ARHGAP39: variants seen among roughly 807,000 people sequenced by gnomAD.
The protein encoded by ARHGAP39 is Rho GTPase activating protein 39.
In ARHGAP39, 44 loss-of-function variants were observed where a neutral mutation model predicts 106.9. That is an observed-to-expected ratio of 0.41 (90% CI 0.32 to 0.53). ARHGAP39 has a LOEUF of 0.53. ARHGAP39 is among the 20% of genes least tolerant of loss of function. The probability of loss-of-function intolerance (pLI) is 0.21; values close to 1 mark genes in which losing one functional copy is unlikely to be tolerated. For missense variants in ARHGAP39, 1,496 were observed against 1,577.3 expected (o/e 0.95, Z 0.87); for synonymous variants, 768 against 693.2 (o/e 1.11, Z -1.69).
chr8:144,661,893 C>A (rs1586643836), intron 1 of ARHGAP39, among the ~76,000 whole-genome samples: 1 of 150,896 alleles, frequency 6.6e-6, no homozygotes, highest in South Asian at 2.1e-4. Context: ...CTTGGACAAC[C>A]CCCCACCCCG....
At chr8:144,685,070 C>A (rs1034592559) in intron 1 of ARHGAP39, among the ~76,000 whole-genome samples, 7 of 152,200 alleles carry the variant, frequency 4.6e-5, no homozygotes, top group Non-Finnish European at 8.8e-5. Context: ...ACACGTGCAC[C>A]CACACCCACC....
chr8:144,530,372 CGGCCT>C lies in ARHGAP39; in HGVS notation c.*45_*49del. The C allele has an allele frequency of 6.5e-7, 1 of 1,529,972 alleles. No homozygotes were observed. The highest frequency in any genetic ancestry group is 8.8e-7 in the Non-Finnish European group (1 of 1,130,694). 94.8% of individuals were successfully genotyped at this position (1,529,972 alleles called of 1,614,324 possible). On this transcript the variant is annotated 3_prime_UTR_variant, in exon 12 of 12. Transcript: ENST00000377307. ...CTGCCGGGAGAGCGAGTGCGGAGTT[CGGCCT>C]GGCTGGGGGCGGCAGGACATCCCTC...
intron 3 of ARHGAP39, among the ~76,000 whole-genome samples, chr8:144,557,457 A>G (rs535179543): frequency 2.3e-4 from 35 of 149,670 alleles, no homozygotes; most frequent in African/African-American, 8.0e-4. Context: ...TCAGAGGCAA[A>G]GGCTGAACCT....
At chr8:144,659,599 A>G (rs1821774796) in intron 1 of ARHGAP39, among the ~76,000 whole-genome samples, 1 of 152,162 alleles carries the variant, frequency 6.6e-6, no homozygotes, top group Non-Finnish European at 1.5e-5. Context: ...TAATTGGAGG[A>G]CATTTTCTAG....
intron 3 of ARHGAP39, among the ~76,000 whole-genome samples, chr8:144,568,324 A>C (rs1479800067): frequency 3.2e-5 from 3 of 93,636 alleles, no homozygotes; most frequent in African/African-American, 1.2e-4. Context: ...ACAGAGTGAG[A>C]CTCTGTCTCA....
intron 9 of ARHGAP39, among the ~76,000 whole-genome samples, chr8:144,532,923 T>A (rs1816787425): frequency 6.6e-6 from 1 of 152,212 alleles, no homozygotes; most frequent in Non-Finnish European, 1.5e-5. Flanking sequence ...GCTGCCTCTT[T>A]GGAATGGGTC....
chr8:144,556,005 A>G (rs113434003), intron 3 of ARHGAP39, among the ~76,000 whole-genome samples: 15,813 of 152,256 alleles, frequency 0.1, 2,016 homozygotes, highest in African/African-American at 0.3. Context: ...AGCCTTGGAG[A>G]CCAGGCACGG....
rs1384516633 is a variant in ARHGAP39, at chr8:144,547,043, G to T, written c.1959+84C>A. On this transcript the variant is annotated intron_variant, in intron 5 of 11. Transcript: ENST00000377307. The surrounding 1 kb of genome is among the most constrained non-coding windows in gnomAD (Gnocchi z 5.2). The stretch of plus-strand genomic sequence containing the variant: ...GCTGCGTGCACGCCCTGGACGCCAG[G>T]TCTCCTGTGCCTGGCCCACGGGGTC... 1.3e-5 allele frequency: 18 copies of T among 1,438,574 alleles called. No individual in the cohort carries two copies. The highest frequency in any genetic ancestry group is 1.7e-5 in the Non-Finnish European group (18 of 1,088,678). The allele number at this position is 1,438,574 out of a possible 1,614,324, so 89.1% of individuals were successfully genotyped here. A position where few individuals can be genotyped will look rare whatever the true frequency, so the allele number is the denominator to read the frequency against.
At chr8:144,618,175 G>A (rs1820688237) in intron 1 of ARHGAP39, among the ~76,000 whole-genome samples, 2 of 152,192 alleles carry the variant, frequency 1.3e-5, no homozygotes, top group African/African-American at 4.8e-5. Flanking sequence ...ACCCTTTCAA[G>A]AACCCCTCGC....
upstream of ARHGAP39, among the ~76,000 whole-genome samples, chr8:144,689,015 C>T (rs927973632): frequency 5.9e-5 from 9 of 152,134 alleles, no homozygotes; most frequent in African/African-American, 2.2e-4. Flanking sequence ...GGCCCAGAAA[C>T]ACGCAAGGGA....
chr8:144,561,447 CT>C (rs1818151239), intron 3 of ARHGAP39, among the ~76,000 whole-genome samples: 2 of 131,018 alleles, frequency 1.5e-5, no homozygotes, highest in African/African-American at 3.1e-5. Flanking sequence ...GTCCATCACA[CT>C]CCAGTGGTTT....
chr8:144,594,100 A>AG (rs2130919521), intron 2 of ARHGAP39, among the ~76,000 whole-genome samples: 1 of 152,096 alleles, frequency 6.6e-6, no homozygotes, highest in East Asian at 1.9e-4. Context: ...AAAAAAAAAA[A>AG]AAAAAAAAGA....
intron 6 of ARHGAP39, among the ~76,000 whole-genome samples, chr8:144,543,031 A>G (rs1178058419): frequency 6.6e-6 from 1 of 151,518 alleles, no homozygotes; most frequent in Non-Finnish European, 1.5e-5. Context: ...GTGCAGTGGT[A>G]CGATCATGAC....
rs1464478382 is a variant in ARHGAP39, at chr8:144,581,157, G to C, written c.201C>G (p.Asn67Lys). 2 of 1,574,310 alleles carry C rather than the reference G, an allele frequency of 1.3e-6. No individual in the cohort carries two copies. Among genetic ancestry groups the C allele is most frequent in the African/African-American group, 2.7e-5 (2 of 74,392 alleles). ...TGGGGTCGAACAGCTCCCACCACTG[G>C]TTCTCGCTGGTGCGCTTGATGCGGA... ...AGVRIKRTSE[N>K]QWWELFDPNT... Residue 67 changes from asparagine (N) to lysine (K), a missense_variant, in exon 3 of 12, where the codon AAC becomes AAG. By Grantham distance (94) the Asn-to-Lys change is moderately conservative (BLOSUM62 0). Around this residue, in one of 4 missense-constraint regions of ARHGAP39, gnomAD observed 96 missense variants for 107.9 expected, o/e 0.89. Coordinates refer to ENST00000377307, the MANE Select transcript of ARHGAP39 (RefSeq NM_025251.3).
rs907673964 is a variant in ARHGAP39, at chr8:144,591,933, A to C, written c.81-10656T>G. Among the ~76,000 whole-genome samples, 3 of 152,020 alleles carry C rather than the reference A, an allele frequency of 2.0e-5. No individual in the cohort carries two copies. Among genetic ancestry groups the C allele is most frequent in the Admixed American group, 1.3e-4 (2 of 15,266 alleles). ...GGTGCCTGTGGGGAGTGGTGCCTGC[A>C]GGGAGTGGTGCCTGATCTCCTGTTC... On this transcript the variant is annotated intron_variant, in intron 2 of 11. Transcript: ENST00000377307. The surrounding 1 kb of genome is among the most constrained non-coding windows in gnomAD (Gnocchi z 5.3).
chr8:144,618,736 G>A (rs1343498279), intron 1 of ARHGAP39, among the ~76,000 whole-genome samples: 3 of 152,258 alleles, frequency 2.0e-5, no homozygotes, highest in Non-Finnish European at 4.4e-5. Flanking sequence ...GTGGTACCCG[G>A]TTCTCGCATG....
rs1478259453 is a variant in ARHGAP39 at position 144,547,920 on chromosome 8, G to A, written c.1166C>T (p.Pro389Leu). 13 of 1,586,804 alleles carry A rather than the reference G, an allele frequency of 8.2e-6. No individual in the cohort carries two copies. Among genetic ancestry groups the A allele is most frequent in the Non-Finnish European group, 1.1e-5 (13 of 1,167,238 alleles). ...CTGCCGCACGTACTCCTTGCCGGCG[G>A]GACTGTACTCCAGGCTCAGGAAGCG... ...PERFLSLEYS[P>L]AGKEYVRQLV... Residue 389 changes from proline (P) to leucine (L), a missense_variant, in exon 5 of 12, where the codon CCC becomes CTC. Transcript: ENST00000377307. This position sits in a 1 kb window ranked among gnomAD's most constrained non-coding sequence, Gnocchi z 5.2.
At chr8:144,610,655 T>C (rs957926246) in intron 1 of ARHGAP39, among the ~76,000 whole-genome samples, 32 of 151,676 alleles carry the variant, frequency 2.1e-4, no homozygotes, top group Non-Finnish European at 2.1e-4. Context: ...GAGCTTGCAG[T>C]GAGCTGAGAT....
the ARHGAP39 span, among the ~76,000 whole-genome samples, chr8:144,695,778 G>A: frequency 6.6e-6 from 1 of 152,166 alleles, no homozygotes; most frequent in Admixed American, 6.5e-5. Flanking sequence ...GCTTAAAGAC[G>A]ATTACAAGGT....
Sources: allele counts gnomAD v4.1 joint callset (sites outside exome capture counted in the v4.1 genomes callset), GRCh38; gene constraint gnomAD v4.1.1; regional missense constraint gnomAD v4.1.1; non-coding constraint Gnocchi (gnomAD v3.1); transcripts MANE v1.5; gene names NCBI Gene and HGNC (gene_info 2026-07-23, HGNC 2026-07-21).